The following TP63 variants were observed in gnomAD, a reference collection of about 807,000 sequenced individuals.
TP63 encodes the protein tumor protein p63.
TP63 carries 17 observed loss-of-function variants against 82.8 expected under a neutral mutation model. The ratio of observed to expected loss-of-function variants is 0.21; its 90% CI spans 0.14 to 0.31. TP63 has a LOEUF of 0.31. TP63 is among the 10% of genes least tolerant of loss of function. The pLI is 1.00. For missense variants in TP63, 648 were observed against 895.3 expected (o/e 0.72, Z 3.52); for synonymous variants, 330 against 321.7 (o/e 1.03, Z -0.28).
intron 3 of TP63, among the ~76,000 whole-genome samples, chr3:189,794,540 G>A (rs183298798): frequency 2.4e-4 from 37 of 152,110 alleles, no homozygotes; most frequent in African/African-American, 8.7e-4. Context: ...CAAAGGGAAG[G>A]GGGGTGAGGA....
chr3:189,673,510 CA>C (rs200248110), intron 1 of TP63, among the ~76,000 whole-genome samples: 5,966 of 152,072 alleles, frequency 0.039, 143 homozygotes, highest in Middle Eastern at 0.054. Context: ...GATAACTTAG[CA>C]AAGTCACATC....
chr3:189,834,293 C>A (rs2108718246), intron 4 of TP63, among the ~76,000 whole-genome samples: 1 of 152,252 alleles, frequency 6.6e-6, no homozygotes, highest in African/African-American at 2.4e-5. Flanking sequence ...AATTACTCAC[C>A]TTAATGATGT....
chr3:189,826,007 T>A (rs548649236), intron 4 of TP63, among the ~76,000 whole-genome samples: 2 of 152,214 alleles, frequency 1.3e-5, no homozygotes, highest in East Asian at 3.9e-4. Flanking sequence ...GTGAGCTACA[T>A]GGAGGACAGG....
At chr3:189,846,464 A>T (rs1046747944) in intron 4 of TP63, among the ~76,000 whole-genome samples, 2 of 152,150 alleles carry the variant, frequency 1.3e-5, no homozygotes, top group Non-Finnish European at 2.9e-5. Context: ...AGATCAGTAC[A>T]ATATTAGGCT....
intron 4 of TP63, among the ~76,000 whole-genome samples, chr3:189,825,266 A>G (rs1422539759): frequency 6.6e-6 from 1 of 152,240 alleles, no homozygotes; most frequent in Non-Finnish European, 1.5e-5. Flanking sequence ...CTCATATAAT[A>G]GGCATATACA....
intron 1 of TP63, among the ~76,000 whole-genome samples, chr3:189,661,541 C>T (rs1237022250): frequency 1.3e-5 from 2 of 151,612 alleles, no homozygotes; most frequent in African/African-American, 2.4e-5. Context: ...TTTCTTTTTT[C>T]ATTTTGCCTT....
chr3:189,706,077 G>T (rs1407722757), intron 1 of TP63, among the ~76,000 whole-genome samples: 1 of 152,086 alleles, frequency 6.6e-6, no homozygotes, highest in Non-Finnish European at 1.5e-5. Context: ...TAAATATGGA[G>T]AAAATCTTTA....
At chr3:189,723,627 C>A (rs1719554817) in intron 1 of TP63, among the ~76,000 whole-genome samples, 1 of 152,140 alleles carries the variant, frequency 6.6e-6, no homozygotes, top group Non-Finnish European at 1.5e-5. Context: ...TTTTTCTCTC[C>A]ATGAACCAAC....
intron 1 of TP63, among the ~76,000 whole-genome samples, chr3:189,715,180 C>A (rs371392550): frequency 6.6e-6 from 1 of 152,146 alleles, no homozygotes; most frequent in Non-Finnish European, 1.5e-5. Context: ...CAGAAGAAAT[C>A]TTTGAGGCCC....
chr3:189,817,135 C>T (rs1728276598), intron 4 of TP63, among the ~76,000 whole-genome samples: 1 of 152,050 alleles, frequency 6.6e-6, no homozygotes, highest in Non-Finnish European at 1.5e-5. Context: ...GGAGTTCCTT[C>T]TTGGATTAAT....
At chr3:189,827,650 T>C (rs1420805557) in intron 4 of TP63, among the ~76,000 whole-genome samples, 3 of 152,132 alleles carry the variant, frequency 2.0e-5, no homozygotes, top group Non-Finnish European at 4.4e-5. Flanking sequence ...CATGAATGTG[T>C]TATGTAAGTC....
chr3:189,768,040 T>C (rs1723076131), intron 3 of TP63, among the ~76,000 whole-genome samples: 1 of 152,138 alleles, frequency 6.6e-6, no homozygotes, highest in South Asian at 2.1e-4. Flanking sequence ...AAGTAGCATT[T>C]TATTGTTAGA....
chr3:189,863,754 A>G (rs917800972), intron 4 of TP63, among the ~76,000 whole-genome samples: 3 of 149,046 alleles, frequency 2.0e-5, no homozygotes, highest in Non-Finnish European at 4.5e-5. Context: ...CTTAAAAAAA[A>G]TCCCATGAAC....
At chr3:189,885,422 A>G (rs952298153) in intron 10 of TP63, among the ~76,000 whole-genome samples, 5 of 152,320 alleles carry the variant, frequency 3.3e-5, no homozygotes, top group South Asian at 2.1e-4. Flanking sequence ...GTGTAAATGT[A>G]TGTAGTTTAT....
At chr3:189,749,724 A>G in intron 3 of TP63, among the ~76,000 whole-genome samples, 1 of 152,228 alleles carries the variant, frequency 6.6e-6, no homozygotes, top group South Asian at 2.1e-4. Context: ...AAAAGGATAC[A>G]TGCACTTGCA....
chr3:189,886,677 GGAGTGGCTTGGGTTTCT>G, intron 11 of TP63, 126 bp downstream of exon 11: 2 of 1,364,942 alleles, frequency 1.5e-6, no homozygotes, highest in Non-Finnish European at 2.0e-6. Flanking sequence ...AGATCAAAGT[GGAGTGGCTTGGGTTTCT>G]GACTGAACCT....
chr3:189,801,474 AGTT>A (rs1207741409), intron 3 of TP63, among the ~76,000 whole-genome samples: 3 of 152,118 alleles, frequency 2.0e-5, no homozygotes, highest in Non-Finnish European at 4.4e-5. Flanking sequence ...CATTTTGTTG[AGTT>A]GTTATGATTA....
chr3:189,611,401 G>T, the TP63 span, among the ~76,000 whole-genome samples: 2 of 152,098 alleles, frequency 1.3e-5, no homozygotes, highest in Non-Finnish European at 2.9e-5. Flanking sequence ...TGAGTAGGTT[G>T]TCTTTTCCCC....
chr3:189,618,353 C>T, the TP63 span, among the ~76,000 whole-genome samples: 1 of 152,196 alleles, frequency 6.6e-6, no homozygotes, highest in Non-Finnish European at 1.5e-5. Flanking sequence ...CATCCTCAGC[C>T]TCCTACTGAC....
Sources: gnomAD v4.1 joint callset for allele counts (sites outside exome capture counted in the v4.1 genomes callset) on GRCh38, gnomAD v4.1.1 for gene constraint, MANE v1.5 for transcripts, NCBI Gene and HGNC (gene_info 2026-07-23, HGNC 2026-07-21) for gene names.